The following C2orf76 variants were observed in gnomAD, a reference collection of about 807,000 sequenced individuals.
The protein encoded by C2orf76 is UPF0538 protein C2orf76.
In C2orf76, 23 loss-of-function variants were observed where a neutral mutation model predicts 16.9. The ratio of observed to expected loss-of-function variants is 1.36; its 90% CI spans 0.98 to 1.93. The LOEUF is 1.93. Among genes scored for constraint, C2orf76 ranks in the 30% most tolerant of loss-of-function variants. C2orf76 has a pLI of 0.00. For missense variants in C2orf76, 152 were observed against 152.6 expected (o/e 1.00, Z 0.02); for synonymous variants, 48 against 52.3 (o/e 0.92, Z 0.35).
At chr2:119,327,298 T>G (rs1421636765) in intron 2 of C2orf76, among the ~76,000 whole-genome samples, 2 of 151,712 alleles carry the variant, frequency 1.3e-5, no homozygotes, top group Non-Finnish European at 2.9e-5. Flanking sequence ...AATCTTATAG[T>G]TTTCTTTTCT....
chr2:119,310,261 A>T (rs899562760), intron 5 of C2orf76, among the ~76,000 whole-genome samples: 7 of 152,224 alleles, frequency 4.6e-5, no homozygotes, highest in African/African-American at 1.2e-4. Context: ...CCCCAATCAC[A>T]AAGGTGCCAC....
At chr2:119,360,150 T>C (rs894541817) in intron 1 of C2orf76, among the ~76,000 whole-genome samples, 2 of 152,184 alleles carry the variant, frequency 1.3e-5, no homozygotes, top group Non-Finnish European at 2.9e-5. Flanking sequence ...AGGTGATAGT[T>C]AGCATTTTTT....
At chr2:119,289,539 A>G in the C2orf76 span, among the ~76,000 whole-genome samples, 1 of 151,974 alleles carries the variant, frequency 6.6e-6, no homozygotes, top group South Asian at 2.1e-4. Context: ...TACAAAAATT[A>G]GCTGGGCGTG....
intron 1 of C2orf76, among the ~76,000 whole-genome samples, chr2:119,345,687 G>A (rs904428628): frequency 4.6e-5 from 7 of 152,114 alleles, no homozygotes; most frequent in African/African-American, 1.7e-4. Context: ...TTCTTGTACA[G>A]ACAGTATTTC....
chr2:119,283,540 T>C, the C2orf76 span, among the ~76,000 whole-genome samples: 25 of 152,306 alleles, frequency 1.6e-4, no homozygotes, highest in African/African-American at 5.8e-4. Context: ...AGTGGCGCCA[T>C]CTTGGCTCAC....
At chr2:119,308,767 C>CA (rs1678879694) in intron 5 of C2orf76, among the ~76,000 whole-genome samples, 1 of 152,230 alleles carries the variant, frequency 6.6e-6, no homozygotes, top group South Asian at 2.1e-4. Context: ...CTAACCCCAC[C>CA]ACCCTTCTGA....
chr2:119,317,525 T>C (rs1679210172), intron 3 of C2orf76, 22 bp from the exon 4 acceptor site: 1 of 1,588,246 alleles, frequency 6.3e-7, no homozygotes, highest in Non-Finnish European at 8.6e-7. Flanking sequence ...AAGCAAGTTA[T>C]CTTTTTACAC....
rs571735372 is a variant in C2orf76, at chr2:119,321,194, TAAAGGGATATCTACAA to T, written c.134-6_143del. On this transcript the variant is annotated splice_acceptor_variant and splice_polypyrimidine_tract_variant and coding_sequence_variant and intron_variant, in exon 3 of 6. Transcript: ENST00000334816. LOFTEE classifies it high-confidence loss of function. ...TGAATGGTGGTGGCAGGTTGGTCCT[TAAAGGGATATCTACAA>T]GAGAAAGATTATTTTTTTACACAAT... 4.0e-3 allele frequency: 5,702 copies of T among 1,434,648 alleles called. 8 individuals are homozygous for T. The highest frequency in any genetic ancestry group is 4.8e-3 in the Non-Finnish European group (5,044 of 1,051,930). The allele number at this position is 1,434,648 out of a possible 1,614,324, so 88.9% of individuals were successfully genotyped here. A position where few individuals can be genotyped will look rare whatever the true frequency, so the allele number is the denominator to read the frequency against.
intron 2 of C2orf76, among the ~76,000 whole-genome samples, chr2:119,337,129 C>A: frequency 6.6e-6 from 1 of 151,986 alleles, no homozygotes; most frequent in East Asian, 1.9e-4. Context: ...AATCAAAGCT[C>A]ACTGCAGCCT....
At chr2:119,362,908 C>T (rs568701405) in intron 1 of C2orf76, among the ~76,000 whole-genome samples, 2 of 152,290 alleles carry the variant, frequency 1.3e-5, no homozygotes, top group East Asian at 3.9e-4. Flanking sequence ...GCCACAATTC[C>T]TCTGAAGACG....
chr2:119,346,013 C>CCA (rs1050709711), intron 1 of C2orf76, among the ~76,000 whole-genome samples: 4 of 146,168 alleles, frequency 2.7e-5, no homozygotes, highest in African/African-American at 1.0e-4. Flanking sequence ...AGAGATCGTG[C>CCA]CACTGCACTC....
At position 119,302,292 on chromosome 2, in the gene C2orf76, C is replaced by T; in HGVS notation, c.*180G>A. 1 of 371,352 alleles carries T rather than the reference C, an allele frequency of 2.7e-6. No homozygotes were observed. Among genetic ancestry groups the T allele is most frequent in the Non-Finnish European group, 4.7e-6 (1 of 210,588 alleles). The allele number at this position is 371,352 out of a possible 1,614,324, so 23.0% of individuals were successfully genotyped here. On this transcript the variant is annotated 3_prime_UTR_variant, in exon 6 of 6. Transcript: ENST00000334816. Reference sequence around the variant, plus strand: ...GTTTTTCTCATAATATATTATTTTACAACAACAAAGAAAAAGAAAGAGAGA... The same window carrying T: ...GTTTTTCTCATAATATATTATTTTATAACAACAAAGAAAAAGAAAGAGAGA...
the C2orf76 span, among the ~76,000 whole-genome samples, chr2:119,289,430 G>A: frequency 6.6e-6 from 1 of 152,062 alleles, no homozygotes; most frequent in African/African-American, 2.4e-5. Flanking sequence ...GCTCACGCCT[G>A]TAATCCTAGC....
At chr2:119,353,510 A>G (rs1046868053) in intron 1 of C2orf76, among the ~76,000 whole-genome samples, 1 of 152,080 alleles carries the variant, frequency 6.6e-6, no homozygotes, top group African/African-American at 2.4e-5. Flanking sequence ...ATGAAATATC[A>G]AGAGCTGGAC....
At chr2:119,313,564 C>G (rs1679066380) in intron 4 of C2orf76, among the ~76,000 whole-genome samples, 1 of 151,116 alleles carries the variant, frequency 6.6e-6, no homozygotes, top group Admixed American at 6.6e-5. Flanking sequence ...CCACTGCACT[C>G]CAGCCTGAGC....
Position 119,311,718 on chromosome 2 carries a change from G to C in C2orf76, c.223-15C>G. The C allele has an allele frequency of 6.6e-7, 1 of 1,511,018 alleles. No individual in the cohort carries two copies. Among genetic ancestry groups the C allele is most frequent in the Non-Finnish European group, 9.0e-7 (1 of 1,107,738 alleles). 93.6% of individuals were successfully genotyped at this position (1,511,018 alleles called of 1,614,324 possible). A position where few individuals can be genotyped will look rare whatever the true frequency, so the allele number is the denominator to read the frequency against. On this transcript the variant is annotated splice_polypyrimidine_tract_variant and intron_variant, in intron 4 of 5. Coordinates refer to ENST00000334816, the MANE Select transcript of C2orf76 (RefSeq NM_001322331.2). ...AGTTCATTTGTCTAAAAAAAAAAAA[G>C]AAAATCTGCATTTTATCAGTACTTA...
At chr2:119,294,170 T>C in the C2orf76 span, among the ~76,000 whole-genome samples, 4 of 146,534 alleles carry the variant, frequency 2.7e-5, no homozygotes, top group Non-Finnish European at 6.0e-5. Context: ...TGGGGAGGAG[T>C]GACCAGTGAA....
intron 2 of C2orf76, among the ~76,000 whole-genome samples, chr2:119,322,472 T>C (rs1196887045): frequency 1.3e-5 from 2 of 152,148 alleles, no homozygotes; most frequent in Non-Finnish European, 2.9e-5. Flanking sequence ...CCTCCCAAAG[T>C]GCTGGGATTA....
rs747704711 is a variant in C2orf76, at chr2:119,327,816, A to G, written c.134-6612T>C. Reference sequence around the variant, plus strand: ...ATTACCCAGCTTCAGGTATTCCTTTATAGCAATGCAAACAGACTAACAGAG... The same window carrying G: ...ATTACCCAGCTTCAGGTATTCCTTTGTAGCAATGCAAACAGACTAACAGAG... On this transcript the variant is annotated intron_variant, in intron 2 of 5. Transcript: ENST00000334816. Among the ~76,000 whole-genome samples, 50 of 152,158 alleles carry G rather than the reference A, an allele frequency of 3.3e-4. 1 individual carries two copies. Among genetic ancestry groups the G allele is most frequent in the Non-Finnish European group, 6.2e-4 (42 of 68,012 alleles).
Sources: gnomAD v4.1 joint callset for allele counts (sites outside exome capture counted in the v4.1 genomes callset) on GRCh38, gnomAD v4.1.1 for gene constraint, MANE v1.5 for transcripts, NCBI Gene and HGNC (gene_info 2026-07-23, HGNC 2026-07-21) for gene names.